Variants in ZNF385B observed in about 807,000 individuals in gnomAD.
The protein encoded by ZNF385B is zinc finger protein 533.
Under a neutral mutation model 39.2 loss-of-function variants are expected in ZNF385B, and 23 were observed. That is an observed-to-expected ratio of 0.59 (90% CI 0.42 to 0.83). The LOEUF is 0.83. Among genes scored for constraint, ZNF385B ranks in the 40% least tolerant of loss-of-function variants. The pLI is 0.00. For missense variants in ZNF385B, 552 were observed against 598.9 expected, an observed-to-expected ratio of 0.92 and a Z score of 0.82; for synonymous variants, 205 against 222.6, an observed-to-expected ratio of 0.92 and a Z score of 0.70.
intron 3 of ZNF385B, among the ~76,000 whole-genome samples, chr2:179,639,249 A>AAAAAAAAGG (rs71029824): frequency 1.5e-3 from 190 of 128,560 alleles, no homozygotes; most frequent in Middle Eastern, 4.6e-3. Context: ...AAAAAAAAAA[A>AAAAAAAAGG]GGGGGAGAAA....
chr2:179,635,334 T>C (rs10172379), intron 3 of ZNF385B, among the ~76,000 whole-genome samples: 59,176 of 139,062 alleles, frequency 0.43, 12,729 homozygotes, highest in East Asian at 0.62. Flanking sequence ...AATTGAACAA[T>C]GAGATCACTT....
At chr2:179,851,267 G>A (rs746104385) in intron 1 of ZNF385B, among the ~76,000 whole-genome samples, 2 of 152,156 alleles carry the variant, frequency 1.3e-5, no homozygotes, top group Non-Finnish European at 2.9e-5. Context: ...CCCGTGCAAC[G>A]CGGCAAGACA....
intron 3 of ZNF385B, among the ~76,000 whole-genome samples, chr2:179,577,000 G>C (rs1424619378): frequency 6.6e-6 from 1 of 152,120 alleles, no homozygotes; most frequent in Non-Finnish European, 1.5e-5. Context: ...ACAACAGACG[G>C]CTTTAAGCAT....
chr2:179,545,031 C>G (rs2060143519), intron 3 of ZNF385B, 62 bp from the exon 4 acceptor site: 1 of 1,607,916 alleles, frequency 6.2e-7, no homozygotes, highest in African/African-American at 1.3e-5. Flanking sequence ...CCTCCCAAAC[C>G]TACAGTGCAA....
At chr2:179,830,952 A>G (rs1707949938) in intron 1 of ZNF385B, among the ~76,000 whole-genome samples, 1 of 152,218 alleles carries the variant, frequency 6.6e-6, no homozygotes, top group African/African-American at 2.4e-5. Flanking sequence ...AACTGAGGGG[A>G]AAAGAGGGAG....
At chr2:179,444,198 G>A (rs2049242467) in intron 9 of ZNF385B, among the ~76,000 whole-genome samples, 1 of 152,238 alleles carries the variant, frequency 6.6e-6, no homozygotes. Context: ...AGGCTTTGGA[G>A]AAGCTGGAAG....
At chr2:179,787,817 T>TTC (rs1705093442) in intron 1 of ZNF385B, among the ~76,000 whole-genome samples, 1 of 152,174 alleles carries the variant, frequency 6.6e-6, no homozygotes, top group Non-Finnish European at 1.5e-5. Flanking sequence ...TCCAATATAC[T>TTC]TCTCTCCTTA....
chr2:179,551,580 G>T (rs1297838065), intron 3 of ZNF385B, among the ~76,000 whole-genome samples: 1 of 151,022 alleles, frequency 6.6e-6, no homozygotes. Flanking sequence ...ACCCATATTG[G>T]GTGTAAAAAT....
At chr2:179,663,583 G>GC (rs1390595915) in intron 3 of ZNF385B, among the ~76,000 whole-genome samples, 1 of 151,890 alleles carries the variant, frequency 6.6e-6, no homozygotes, top group Non-Finnish European at 1.5e-5. Flanking sequence ...GGTGGCGGGC[G>GC]CCTGTAGTCC....
At chr2:179,588,040 GT>G (rs1424226061) in intron 3 of ZNF385B, among the ~76,000 whole-genome samples, 4 of 152,132 alleles carry the variant, frequency 2.6e-5, no homozygotes, top group Non-Finnish European at 5.9e-5. Context: ...GTCAATGCCA[GT>G]TTCTAACCTC....
chr2:179,585,961 G>A (rs1236332011), intron 3 of ZNF385B: 4 of 152,268 alleles, frequency 2.6e-5, no homozygotes, highest in East Asian at 1.9e-4. Context: ...CTGTCATAGC[G>A]TCTCACAAAT....
At chr2:179,448,906 G>A (rs956963018) in intron 6 of ZNF385B, among the ~76,000 whole-genome samples, 1 of 152,116 alleles carries the variant, frequency 6.6e-6, no homozygotes, top group African/African-American at 2.4e-5. Flanking sequence ...TTTGGCGTAA[G>A]TGAAAATATC....
rs1188364921 is a variant in ZNF385B, at chr2:179,493,625, ATACG to A, written c.553-10195_553-10192del. 3.6e-5 allele frequency among the ~76,000 whole-genome samples: 4 copies of A among 110,642 alleles called. No individual in the cohort carries two copies. The South Asian group carries it at 9.0e-4, about 25-fold the overall frequency. 72.6% of individuals were successfully genotyped at this position (110,642 alleles called of 152,430 possible). On this transcript the variant is annotated intron_variant, in intron 5 of 9. Transcript: ENST00000410066. ...TACATATATGTACGTACATATATGT[ATACG>A]CATATGTATACACATATGCGTATAC...
At chr2:179,543,343 T>C (rs1406145987) in intron 4 of ZNF385B, among the ~76,000 whole-genome samples, 1 of 152,200 alleles carries the variant, frequency 6.6e-6, no homozygotes, top group Non-Finnish European at 1.5e-5. Context: ...AAGCCATTTA[T>C]GACTACTTGC....
intron 6 of ZNF385B, among the ~76,000 whole-genome samples, chr2:179,450,704 G>T (rs530331502): frequency 6.6e-6 from 1 of 152,028 alleles, no homozygotes; most frequent in Non-Finnish European, 1.5e-5. Flanking sequence ...ATTCCTCAGG[G>T]ATCTAGAACT....
chr2:179,590,245 G>A (rs539813094), intron 3 of ZNF385B, among the ~76,000 whole-genome samples: 14 of 152,188 alleles, frequency 9.2e-5, no homozygotes, highest in Non-Finnish European at 1.9e-4. Context: ...CTCAACTTCA[G>A]ACAGCTTAGG....
chr2:179,699,984 T>C (rs1699058207), intron 3 of ZNF385B, among the ~76,000 whole-genome samples: 1 of 152,042 alleles, frequency 6.6e-6, no homozygotes, highest in Non-Finnish European at 1.5e-5. Flanking sequence ...TAAATAACAA[T>C]TCCCCATTCC....
At chr2:179,531,434 G>A (rs1233612066) in intron 4 of ZNF385B, among the ~76,000 whole-genome samples, 3 of 152,020 alleles carry the variant, frequency 2.0e-5, no homozygotes, top group Non-Finnish European at 2.9e-5. Flanking sequence ...TCAGGAGTTT[G>A]AGATCAGCCT....
intron 3 of ZNF385B, among the ~76,000 whole-genome samples, chr2:179,631,742 A>G (rs1428775466): frequency 1.3e-5 from 2 of 152,246 alleles, no homozygotes; most frequent in Non-Finnish European, 2.9e-5. Flanking sequence ...ATAAAGAGTC[A>G]AGACCCATCG....
Sources: gnomAD v4.1 joint callset for allele counts (sites outside exome capture counted in the v4.1 genomes callset) on GRCh38, gnomAD v4.1.1 for gene constraint, MANE v1.5 for transcripts, NCBI Gene and HGNC (gene_info 2026-07-23, HGNC 2026-07-21) for gene names.